The following CDH13 variants were observed in gnomAD, a reference collection of about 807,000 sequenced individuals.
The protein encoded by CDH13 is cadherin-13.
A neutral mutation model predicts 63.8 loss-of-function variants in CDH13; 24 were observed. The observed-to-expected ratio is 0.38, with a 90% CI of 0.27 to 0.53. The LOEUF (loss-of-function observed/expected upper bound fraction) is 0.53, where lower values mean the gene tolerates loss of function less well. Ranked by LOEUF, CDH13 falls within the 20% of genes least tolerant of loss-of-function variation. The probability of loss-of-function intolerance (pLI) is 0.85; values close to 1 mark genes in which losing one functional copy is unlikely to be tolerated. For missense variants in CDH13, 1,049 were observed against 903.1 expected, an observed-to-expected ratio of 1.16 and a Z score of -2.07; for synonymous variants, 503 against 355.3, an observed-to-expected ratio of 1.42 and a Z score of -4.67.
At chr16:83,172,815 A>G (rs1300026572) in intron 4 of CDH13, among the ~76,000 whole-genome samples, 1 of 152,144 alleles carries the variant, frequency 6.6e-6, no homozygotes, top group Non-Finnish European at 1.5e-5. Flanking sequence ...AGAAGGCTAA[A>G]TAGCTTCCTT....
chr16:83,008,697 A>T (rs1029472489), intron 2 of CDH13, among the ~76,000 whole-genome samples: 5 of 152,170 alleles, frequency 3.3e-5, no homozygotes, highest in Non-Finnish European at 7.3e-5. Context: ...TACCACCGTA[A>T]CCCAGGCAGA....
chr16:83,564,672 G>A (rs563856379), intron 7 of CDH13, among the ~76,000 whole-genome samples: 1 of 152,308 alleles, frequency 6.6e-6, no homozygotes, highest in Non-Finnish European at 1.5e-5. Flanking sequence ...GCCTCCCAAA[G>A]TGCTGAGATT....
intron 6 of CDH13, among the ~76,000 whole-genome samples, chr16:83,345,828 A>C (rs376586343): frequency 6.6e-6 from 1 of 152,246 alleles, no homozygotes; most frequent in Non-Finnish European, 1.5e-5. Context: ...TATCATATTA[A>C]GAGTATCATG....
At chr16:82,720,372 A>G (rs933157735) in intron 1 of CDH13, among the ~76,000 whole-genome samples, 3 of 152,166 alleles carry the variant, frequency 2.0e-5, no homozygotes, top group Admixed American at 2.0e-4. Flanking sequence ...TTGTTTTACA[A>G]TACTTCGTAT....
At chr16:82,723,950 T>G (rs541228464) in intron 1 of CDH13, among the ~76,000 whole-genome samples, 2 of 152,232 alleles carry the variant, frequency 1.3e-5, no homozygotes, top group South Asian at 4.2e-4. Flanking sequence ...CAGATGATGT[T>G]GGGGGCAATA....
At chr16:83,394,056 C>T (rs535882941) in intron 6 of CDH13, among the ~76,000 whole-genome samples, 2 of 151,940 alleles carry the variant, frequency 1.3e-5, no homozygotes, top group Non-Finnish European at 2.9e-5. Flanking sequence ...AACACATGGA[C>T]ACAGAAGGCA....
intron 4 of CDH13, among the ~76,000 whole-genome samples, chr16:83,205,330 T>C (rs1415775298): frequency 2.0e-5 from 3 of 152,068 alleles, no homozygotes; most frequent in African/African-American, 7.3e-5. Flanking sequence ...AAAATTATGG[T>C]ACTGATTGGC....
intron 1 of CDH13, among the ~76,000 whole-genome samples, chr16:82,696,016 A>G (rs2030244274): frequency 1.3e-5 from 2 of 152,166 alleles, no homozygotes; most frequent in Non-Finnish European, 2.9e-5. Context: ...TTTCTCTGAC[A>G]GTTACTTTCT....
At chr16:82,929,817 A>G (rs1339159236) in intron 2 of CDH13, among the ~76,000 whole-genome samples, 1 of 151,916 alleles carries the variant, frequency 6.6e-6, no homozygotes, top group Non-Finnish European at 1.5e-5. Flanking sequence ...AGTCAATCAT[A>G]TCCTGTTACA....
intron 6 of CDH13, among the ~76,000 whole-genome samples, chr16:83,384,526 G>A (rs1217580407): frequency 6.6e-6 from 1 of 152,214 alleles, no homozygotes; most frequent in African/African-American, 2.4e-5. Flanking sequence ...CTGCCCCAAG[G>A]GCATAGAAGC....
intron 5 of CDH13, among the ~76,000 whole-genome samples, chr16:83,338,433 A>G (rs1227185469): frequency 6.6e-6 from 1 of 152,196 alleles, no homozygotes; most frequent in Non-Finnish European, 1.5e-5. Context: ...TGCAGTCAAT[A>G]TCATATCAGC....
At chr16:83,294,554 C>G (rs1408734372) in intron 5 of CDH13, among the ~76,000 whole-genome samples, 1 of 151,846 alleles carries the variant, frequency 6.6e-6, no homozygotes, top group East Asian at 1.9e-4. Flanking sequence ...CATGTTGTCA[C>G]TAATGATAAG....
intron 7 of CDH13, among the ~76,000 whole-genome samples, chr16:83,549,710 C>T (rs142321956): frequency 7.3e-5 from 11 of 149,816 alleles, no homozygotes; most frequent in South Asian, 2.1e-4. Context: ...TTAATGAAAA[C>T]GCTACCGCAT....
chr16:83,125,790 T>C (rs1425086303), intron 4 of CDH13, among the ~76,000 whole-genome samples: 2 of 152,186 alleles, frequency 1.3e-5, no homozygotes, highest in African/African-American at 4.8e-5. Context: ...ATTGCTTTTA[T>C]AGATTATATT....
At chr16:82,869,419 T>C (rs2151185713) in intron 2 of CDH13, among the ~76,000 whole-genome samples, 1 of 151,644 alleles carries the variant, frequency 6.6e-6, no homozygotes, top group East Asian at 1.9e-4. Context: ...GAACAAGGAG[T>C]TTGATATGTA....
rs984098205 is a variant in CDH13, at chr16:82,874,910, C to A, written c.157+16437C>A. 3.3e-5 allele frequency among the ~76,000 whole-genome samples: 5 copies of A among 152,194 alleles called. No homozygotes were observed. The South Asian group carries it at 8.3e-4, about 25-fold the overall frequency. On this transcript the variant is annotated intron_variant, in intron 2 of 13. Coordinates refer to ENST00000567109, the MANE Select transcript of CDH13 (RefSeq NM_001257.5). The stretch of plus-strand genomic sequence containing the variant: ...GAACTTAGAGGGCAGTTGGGATTGC[C>A]AGATGGATACTCATGGGGATGTGTG...
At chr16:83,677,164 T>G (rs1915023918) in intron 9 of CDH13, among the ~76,000 whole-genome samples, 1 of 152,180 alleles carries the variant, frequency 6.6e-6, no homozygotes, top group Admixed American at 6.5e-5. Flanking sequence ...CTCTGGGAAA[T>G]GCTGCACCCA....
At chr16:83,162,918 C>T (rs1314270401) in intron 4 of CDH13, among the ~76,000 whole-genome samples, 2 of 152,094 alleles carry the variant, frequency 1.3e-5, no homozygotes, top group Non-Finnish European at 1.5e-5. Context: ...AAGTCTAGCA[C>T]ACTCATTGAT....
chr16:82,864,475 G>A (rs758895803), intron 2 of CDH13, among the ~76,000 whole-genome samples: 1 of 152,234 alleles, frequency 6.6e-6, no homozygotes, highest in African/African-American at 2.4e-5. Context: ...AGGAAGCAAG[G>A]CACCTTCTTC....
Sources: allele counts gnomAD v4.1 joint callset (sites outside exome capture counted in the v4.1 genomes callset), GRCh38; gene constraint gnomAD v4.1.1; transcripts MANE v1.5; gene names NCBI Gene and HGNC (gene_info 2026-07-23, HGNC 2026-07-21).